RCN2: variants seen among roughly 807,000 people sequenced by gnomAD.
RCN2 encodes reticulocalbin 2.
RCN2 carries 23 observed loss-of-function variants against 37.5 expected under a neutral mutation model. The observed-to-expected ratio is 0.61, with a 90% confidence interval of 0.44 to 0.87. The LOEUF is 0.87. Among genes scored for constraint, RCN2 ranks in the 40% least tolerant of loss-of-function variants. The pLI, the probability that RCN2 is intolerant of heterozygous loss-of-function variation, is 0.00. For missense variants in RCN2, 381 were observed against 390.4 expected (o/e 0.98, Z 0.20); for synonymous variants, 140 against 144.6 (o/e 0.97, Z 0.23).
chr15:76,941,699 T>TTC, intron 3 of RCN2: 1 of 1,431,114 alleles, frequency 7.0e-7, no homozygotes, highest in East Asian at 2.5e-5. Flanking sequence ...ATGTGAGCTA[T>TTC]TCTTATTTTG....
Position 76,949,384 on chromosome 15 carries a change from A to C in RCN2, c.*162A>C, listed in dbSNP as rs1251917378. 8 of 478,776 alleles carry C rather than the reference A, an allele frequency of 1.7e-5. No individual in the cohort carries two copies. Among genetic ancestry groups the C allele is most frequent in the African/African-American group, 1.2e-4 (6 of 50,064 alleles). 29.7% of individuals were successfully genotyped at this position (478,776 alleles called of 1,614,324 possible). On this transcript the variant is annotated 3_prime_UTR_variant, in exon 7 of 7. Transcript: ENST00000394885. ...AATTTTGGTCTTTTAGGAAAAAAAA[A>C]CAAAAATCTGATATTTATTTCAAAA...
intron 4 of RCN2, among the ~76,000 whole-genome samples, chr15:76,944,322 C>A (rs1188530536): frequency 1.3e-5 from 2 of 152,088 alleles, no homozygotes; most frequent in Non-Finnish European, 2.9e-5. Flanking sequence ...ATAATCAGAT[C>A]ATAGACAATG....
chr15:76,941,349 A>G (rs1166612737), intron 3 of RCN2: 1 of 227,818 alleles, frequency 4.4e-6, no homozygotes, highest in Non-Finnish European at 8.5e-6. Context: ...TTATTTATGT[A>G]AGATATAACC....
chr15:76,934,738 G>C (rs929683510), intron 2 of RCN2, among the ~76,000 whole-genome samples: 3 of 152,098 alleles, frequency 2.0e-5, no homozygotes, highest in African/African-American at 7.2e-5. Context: ...TTTAAAGGAA[G>C]ACTTTATGTC....
At position 76,948,504 on chromosome 15, in the gene RCN2, G is replaced by A; in HGVS notation, c.753G>A (p.Glu251=). Residue 251 remains glutamate (E), a synonymous_variant, in exon 6 of 7, where the codon GAG becomes GAA. Transcript: ENST00000394885. ...ACGATGGCAGGCTTGATCCCCAAGAGCTGTTACCTTGGGTAGTACCTAATA... is the reference window on the plus strand; with the variant it reads ...ACGATGGCAGGCTTGATCCCCAAGAACTGTTACCTTGGGTAGTACCTAATA... The part of the protein sequence containing the change: ...KDNDGRLDPQ[E]LLPWVVPNNQ... 6.2e-7 allele frequency: 1 copy of A among 1,608,356 alleles called. No homozygotes were observed. Among genetic ancestry groups the A allele is most frequent in the East Asian group, 2.2e-5 (1 of 44,724 alleles).
intron 4 of RCN2, among the ~76,000 whole-genome samples, chr15:76,945,852 T>C (rs1330296108): frequency 6.6e-6 from 1 of 152,224 alleles, no homozygotes; most frequent in Non-Finnish European, 1.5e-5. Context: ...TAATTTCTCA[T>C]TGGCACAGAA....
chr15:76,949,142 C>G lies in RCN2; in HGVS notation c.874C>G (p.Pro292Ala), dbSNP rs2075308424. 6.2e-7 allele frequency: 1 copy of G among 1,613,096 alleles called. No individual in the cohort carries two copies. The highest frequency in any genetic ancestry group is 1.3e-5 in the African/African-American group (1 of 74,938). Residue 292 changes from proline (P) to alanine (A), a missense_variant, in exon 7 of 7, where the codon CCG becomes GCG. Transcript: ENST00000394885. ...CTCTGAAGAAGAGATTCTGGAAAAC[C>G]CGGACTTGTTTCTCACCAGTGAAGC... The part of the protein sequence containing the change: ...KLSEEEILEN[P>A]DLFLTSEATD...
Position 76,950,731 on chromosome 15 carries a change from G to C in RCN2, c.*1509G>C, listed in dbSNP as rs1034471783. On this transcript the variant is annotated 3_prime_UTR_variant, in exon 7 of 7. Transcript: ENST00000394885. ...TAAATCACTTTTATTTGTGGGTGAA[G>C]AGGTCAGCTATGCATTCTCTTAATC... 1 of 152,300 alleles carries C rather than the reference G, an allele frequency of 6.6e-6. No homozygotes were observed. Among genetic ancestry groups the C allele is most frequent in the Non-Finnish European group, 1.5e-5 (1 of 68,038 alleles). 9.4% of individuals were successfully genotyped at this position (152,300 alleles called of 1,614,324 possible).
In RCN2 at chr15:76,954,039, G is replaced by GTTTTT. The variant is rs60194309; in HGVS notation, c.*4826_*4830dup. On this transcript the variant is annotated 3_prime_UTR_variant, in exon 7 of 7. Transcript: ENST00000394885. ...TCCTTACCAACACTTGCTATTTTCT[G>GTTTTT]TTTTTTTTTTTTTCTTTTTTTTTTT... The GTTTTT allele has an allele frequency of 3.1e-5, 4 of 131,000 alleles. No homozygotes were observed. The highest frequency in any genetic ancestry group is 3.2e-5 in the Non-Finnish European group (2 of 62,440). 8.1% of individuals were successfully genotyped at this position (131,000 alleles called of 1,614,324 possible).
Position 76,948,520 on chromosome 15 carries a change from G to C in RCN2, c.769G>C (p.Val257Leu). ...LDPQELLPWV[V>L]PNNQGIAQEE... is the part of the protein sequence containing the mutation. ...TCCCCAAGAGCTGTTACCTTGGGTA[G>C]TACCTAATAATCAGGGCATTGCACA... Residue 257 changes from valine (V) to leucine (L), a missense_variant, in exon 6 of 7, where the codon GTA (valine) becomes CTA (leucine). By Grantham distance (32) the Val-to-Leu change is conservative. Transcript: ENST00000394885. 1.2e-6 allele frequency: 2 copies of C among 1,600,670 alleles called. No individual in the cohort carries two copies. Among genetic ancestry groups the C allele is most frequent in the Non-Finnish European group, 1.7e-6 (2 of 1,172,352 alleles).
At chr15:76,941,583 A>G in intron 3 of RCN2, 1 of 1,027,316 alleles carries the variant, frequency 9.7e-7, no homozygotes, top group Non-Finnish European at 1.4e-6. Context: ...TACAAGAAAA[A>G]AAAAGAGTGT....
In RCN2 at chr15:76,932,613, C is replaced by G. The variant is rs1012790409; in HGVS notation, c.250+147C>G. The G allele has an allele frequency of 2.2e-5, 14 of 629,712 alleles. No homozygotes were observed. In the Admixed American group the frequency reaches 2.4e-4, roughly 11 times the overall value. 39.0% of individuals were successfully genotyped at this position (629,712 alleles called of 1,614,324 possible). A position where few individuals can be genotyped will look rare whatever the true frequency, so the allele number is the denominator to read the frequency against. On this transcript the variant is annotated intron_variant, in intron 2 of 6. Coordinates refer to ENST00000394885, the MANE Select transcript of RCN2 (RefSeq NM_002902.3). ...ACATGGAGAATAGGCTTTATACTTACAAATCTTTAGACACTGAGAACCAAG... is the reference window on the plus strand; with the variant it reads ...ACATGGAGAATAGGCTTTATACTTAGAAATCTTTAGACACTGAGAACCAAG...
intron 3 of RCN2, chr15:76,942,679 T>A (rs988525725): frequency 6.6e-6 from 1 of 152,262 alleles, no homozygotes; most frequent in Admixed American, 6.5e-5. Context: ...CGGTGACTCA[T>A]GCCTGTAGTC....
chr15:76,944,827 T>C (rs2075290851), intron 4 of RCN2, among the ~76,000 whole-genome samples: 1 of 152,264 alleles, frequency 6.6e-6, no homozygotes, highest in Non-Finnish European at 1.5e-5. Context: ...TGAACAGTGC[T>C]ACAACAAACA....
intron 3 of RCN2, chr15:76,941,563 A>C: frequency 1.3e-6 from 1 of 795,468 alleles, no homozygotes. Flanking sequence ...TAGAATACAA[A>C]GTTTTTATAT....
intron 3 of RCN2, chr15:76,938,662 G>T: frequency 2.3e-6 from 1 of 440,232 alleles, no homozygotes. Flanking sequence ...AATCATATTG[G>T]CCGCTTGAAC....
At chr15:76,932,114 G>T in intron 1 of RCN2, 129 bp downstream of exon 1, 1 of 940,428 alleles carries the variant, frequency 1.1e-6, no homozygotes, top group Non-Finnish European at 1.4e-6. Context: ...GGGCCGGGCG[G>T]CGCGGCACTC....
chr15:76,932,220 G>A (rs959686930), intron 1 of RCN2, 141 bp from the exon 2 acceptor site: 3 of 744,896 alleles, frequency 4.0e-6, no homozygotes, highest in Non-Finnish European at 6.7e-6. Flanking sequence ...GGGTGTGTAG[G>A]GGGTAGGGGC....
chr15:76,932,071 G>C (rs936953886), intron 1 of RCN2, 86 bp downstream of exon 1: 1 of 1,202,230 alleles, frequency 8.3e-7, no homozygotes, highest in Non-Finnish European at 1.0e-6. Flanking sequence ...GGGGGCGGCC[G>C]GGCGAGGCCT....
Sources: allele counts gnomAD v4.1 joint callset (sites outside exome capture counted in the v4.1 genomes callset), GRCh38; gene constraint gnomAD v4.1.1; transcripts MANE v1.5; gene names NCBI Gene and HGNC (gene_info 2026-07-23, HGNC 2026-07-21).